IRAK1BP1: variants seen among roughly 807,000 people sequenced by gnomAD.
The protein encoded by IRAK1BP1 is interleukin 1 receptor associated kinase 1 binding protein 1.
A neutral mutation model predicts 28.0 loss-of-function variants in IRAK1BP1; 24 were observed. The observed-to-expected ratio is 0.86, with a 90% CI of 0.62 to 1.20. IRAK1BP1 has a LOEUF of 1.20. Ranked by LOEUF, IRAK1BP1 falls within the 50% of genes most tolerant of loss-of-function variation. The pLI is 0.00. For synonymous variants in IRAK1BP1, 131 were observed against 116.3 expected, an observed-to-expected ratio of 1.13 and a Z score of -0.81; for missense variants, 336 against 316.7, an observed-to-expected ratio of 1.06 and a Z score of -0.46.
chr6:78,889,955 A>G (rs1015039226), intron 2 of IRAK1BP1, among the ~76,000 whole-genome samples: 1 of 152,212 alleles, frequency 6.6e-6, no homozygotes, highest in Admixed American at 6.5e-5. Context: ...ATTCTACTGT[A>G]AAGACACATG....
intron 1 of IRAK1BP1, among the ~76,000 whole-genome samples, chr6:78,877,386 ATAT>A (rs745437115): frequency 1.3e-5 from 2 of 152,142 alleles, no homozygotes; most frequent in Non-Finnish European, 2.9e-5. Flanking sequence ...ATTCCCTGTA[ATAT>A]TATTTAGAAT....
At chr6:78,893,286 G>GTA (rs70977750) in intron 2 of IRAK1BP1, among the ~76,000 whole-genome samples, 1 of 126,406 alleles carries the variant, frequency 7.9e-6, no homozygotes, top group African/African-American at 2.9e-5. Context: ...ATATATGTGT[G>GTA]TATATATGTG....
At chr6:78,868,503 G>A (rs1175536959) in intron 1 of IRAK1BP1, among the ~76,000 whole-genome samples, 3 of 152,146 alleles carry the variant, frequency 2.0e-5, no homozygotes, top group South Asian at 2.1e-4. Flanking sequence ...AATCAAGCCA[G>A]TATTGTGGAT....
the IRAK1BP1 span, chr6:78,969,983 G>A: frequency 8.2e-6 from 13 of 1,587,018 alleles, no homozygotes; most frequent in Non-Finnish European, 1.1e-5. Flanking sequence ...ATGTTCAAAT[G>A]TATCTGAATC....
intron 4 of IRAK1BP1, among the ~76,000 whole-genome samples, chr6:78,944,933 C>T (rs1773718837): frequency 6.6e-6 from 1 of 151,730 alleles, no homozygotes; most frequent in Non-Finnish European, 1.5e-5. Flanking sequence ...TTGTAGACAA[C>T]CCCAATGAAT....
intron 2 of IRAK1BP1, among the ~76,000 whole-genome samples, chr6:78,890,915 C>G (rs1771632072): frequency 6.6e-6 from 1 of 152,102 alleles, no homozygotes; most frequent in Non-Finnish European, 1.5e-5. Context: ...TGTGAAACAT[C>G]ACTCCTGCAT....
intron 1 of IRAK1BP1, among the ~76,000 whole-genome samples, chr6:78,881,696 TGAA>T (rs767844495): frequency 3.9e-5 from 6 of 152,102 alleles, no homozygotes; most frequent in Non-Finnish European, 7.4e-5. Context: ...ATTATAAGGA[TGAA>T]GAATAAAGAT....
chr6:78,939,533 T>TA (rs1258167131), intron 4 of IRAK1BP1: 1 of 151,890 alleles, frequency 6.6e-6, no homozygotes, highest in Non-Finnish European at 1.5e-5. Context: ...TACTGCTATC[T>TA]AAAAAATCCT....
chr6:78,893,613 A>T (rs1049656543), intron 2 of IRAK1BP1, among the ~76,000 whole-genome samples: 1 of 152,074 alleles, frequency 6.6e-6, no homozygotes, highest in Non-Finnish European at 1.5e-5. Context: ...TATATAAAAG[A>T]TAACTGACTA....
rs76871224 is a variant in IRAK1BP1 at position 78,937,691 on chromosome 6, T to A, written c.*68-7717T>A. ...CAATTGAAATAAGGCCAATCTTTAGTTTATAATACATGCAGAAAATAGTCC... is the reference window on the plus strand; with the variant it reads ...CAATTGAAATAAGGCCAATCTTTAGATTATAATACATGCAGAAAATAGTCC... On this transcript the variant is annotated intron_variant and NMD_transcript_variant, in intron 4 of 4. Transcript: ENST00000606868. 8 of 71,456 alleles carry A rather than the reference T, an allele frequency of 1.1e-4. No individual in the cohort carries two copies. The South Asian group carries it at 6.8e-3, about 61-fold the overall frequency. 4.4% of individuals were successfully genotyped at this position (71,456 alleles called of 1,614,324 possible).
At chr6:78,946,670 A>C, downstream of IRAK1BP1, 1 of 1,494,472 alleles carries the variant, frequency 6.7e-7, no homozygotes, top group East Asian at 2.5e-5. Flanking sequence ...TTTAGATGAA[A>C]GTTATAGATC....
intron 4 of IRAK1BP1, among the ~76,000 whole-genome samples, chr6:78,927,988 C>T (rs932783464): frequency 1.3e-5 from 2 of 151,966 alleles, no homozygotes; most frequent in African/African-American, 4.8e-5. Flanking sequence ...CAGTTTTGTT[C>T]CTTTTACTTA....
At chr6:78,960,450 CTTTTTT>C in the IRAK1BP1 span, among the ~76,000 whole-genome samples, 1 of 137,490 alleles carries the variant, frequency 7.3e-6, no homozygotes, top group Non-Finnish European at 1.6e-5. Flanking sequence ...TTAGGAATTC[CTTTTTT>C]TTTTTTTTTT....
In IRAK1BP1 at chr6:78,922,972, C is replaced by A. The variant is rs186763449; in HGVS notation, c.*67+19862C>A. 4.7e-4 allele frequency among the ~76,000 whole-genome samples: 71 copies of A among 152,176 alleles called. 2 individuals carry two copies. The East Asian group carries it at 0.011, about 24-fold the overall frequency. ...CGGTACCAGCCACTGCAAAAACATG[C>A]CAAATTGTAAAGACCATCGAGGCTA... On this transcript the variant is annotated intron_variant and NMD_transcript_variant, in intron 4 of 4. Coordinates refer to the IRAK1BP1 transcript ENST00000606868.
intron 4 of IRAK1BP1, among the ~76,000 whole-genome samples, chr6:78,928,219 A>T (rs1228836078): frequency 6.6e-6 from 1 of 152,064 alleles, no homozygotes; most frequent in African/African-American, 2.4e-5. Flanking sequence ...AGTTTTCATT[A>T]TAGAGATCTT....
intron 1 of IRAK1BP1, chr6:78,871,482 G>A: frequency 2.0e-6 from 2 of 985,554 alleles, no homozygotes; most frequent in Non-Finnish European, 2.4e-6. Context: ...CACCCAGTAG[G>A]AGGTATTCCA....
the IRAK1BP1 span, among the ~76,000 whole-genome samples, chr6:78,962,038 G>C: frequency 5.3e-5 from 8 of 151,958 alleles, 1 homozygote; most frequent in South Asian, 1.2e-3. Flanking sequence ...TAGGTTCACC[G>C]GGAGAAAGAA....
intron 4 of IRAK1BP1, among the ~76,000 whole-genome samples, chr6:78,924,205 A>G (rs552141861): frequency 5.3e-5 from 8 of 152,218 alleles, no homozygotes; most frequent in Non-Finnish European, 1.2e-4. Context: ...GAAGTATCAA[A>G]TAGATGCAAT....
rs752368585 is a variant in IRAK1BP1, at chr6:78,898,304, G to C, written c.753G>C (p.Lys251Asn). 6.3e-7 allele frequency: 1 copy of C among 1,588,612 alleles called. No individual in the cohort carries two copies. Among genetic ancestry groups the C allele is most frequent in the Non-Finnish European group, 8.6e-7 (1 of 1,167,734 alleles). The change falls in exon 4 of 4, where the codon AAG becomes AAC. Residue 251 changes from lysine to asparagine, a missense_variant. By Grantham distance (94) the Lys-to-Asn change is moderately conservative. Transcript: ENST00000369940. ...AAGTATTTATAACTTTTGAGGTAAA[G>C]GGAAAAGAGAAGAGAAAAAAGCACC... ...ASKVFITFEV[K>N]GKEKRKKHL
Sources: gnomAD v4.1 joint callset for allele counts (sites outside exome capture counted in the v4.1 genomes callset) on GRCh38, gnomAD v4.1.1 for gene constraint, MANE v1.5 for transcripts, NCBI Gene and HGNC (gene_info 2026-07-23, HGNC 2026-07-21) for gene names.